CBFA2T2: variants seen among roughly 807,000 people sequenced by gnomAD.
CBFA2T2 encodes the protein protein CBFA2T2.
In CBFA2T2, 11 loss-of-function variants were observed where a neutral mutation model predicts 62.2. The ratio of observed to expected loss-of-function variants is 0.18; its 90% confidence interval spans 0.11 to 0.29. The LOEUF is 0.29. Ranked by LOEUF, CBFA2T2 falls within the 10% of genes least tolerant of loss-of-function variation. The pLI is 1.00. For synonymous variants in CBFA2T2, 295 were observed against 287.5 expected (o/e 1.03, Z -0.27); for missense variants, 592 against 774.1 (o/e 0.76, Z 2.79).
At chr20:33,559,095 T>A (rs151295122) in intron 1 of CBFA2T2, among the ~76,000 whole-genome samples, 207 of 152,212 alleles carry the variant, frequency 1.4e-3, no homozygotes, top group African/African-American at 4.7e-3. Context: ...TTAGTTTTTT[T>A]AAATAGGTAT....
In CBFA2T2 at chr20:33,544,985, T is replaced by TAGAACAGAAC. The variant is rs1465934143; in HGVS notation, c.34+54688_34+54689insCAGAACAGAA. Among the ~76,000 whole-genome samples the TAGAACAGAAC allele has an allele frequency of 4.8e-4, 64 of 134,636 alleles. 2 individuals carry two copies. The highest frequency in any genetic ancestry group is 1.9e-3 in the African/African-American group (56 of 30,206). 88.3% of individuals were successfully genotyped at this position (134,636 alleles called of 152,430 possible). On this transcript the variant is annotated intron_variant, in intron 1 of 10. Coordinates refer to ENST00000342704, the MANE Select transcript of CBFA2T2 (RefSeq NM_001032999.3). Reference sequence around the variant, plus strand: ...TAGAATAGAATAGAATAGAATAGAATAGAATAGAATAGAATAGAATAGAAT... The same window carrying TAGAACAGAAC: ...TAGAATAGAATAGAATAGAATAGAATAGAACAGAACAGAATAGAATAGAATAGAATAGAAT...
chr20:33,529,771 ATATATATATATT>A (rs1277050106), intron 1 of CBFA2T2, among the ~76,000 whole-genome samples: 3 of 28,548 alleles, frequency 1.1e-4, no homozygotes, highest in Non-Finnish European at 2.4e-4. Flanking sequence ...ATATATATAT[ATATATATATATT>A]TCTTTTTTTT....
rs1380997161 is a variant in CBFA2T2 at position 33,490,103 on chromosome 20, G to A, written c.-165G>A. On this transcript the variant is annotated 5_prime_UTR_variant, in exon 1 of 11. Transcript: ENST00000342704. ...GCGCGGCCTAACGGCGGCGGCGGCG[G>A]CGGCGACGGCGACAGCAGCGGTGGT... 3 of 667,216 alleles carry A rather than the reference G, an allele frequency of 4.5e-6. No homozygotes were observed. Among genetic ancestry groups the A allele is most frequent in the Admixed American group, 5.4e-5 (1 of 18,404 alleles). The allele number at this position is 667,216 out of a possible 1,614,324, so 41.3% of individuals were successfully genotyped here.
At chr20:33,626,059 G>A (rs1179497428) in intron 6 of CBFA2T2, among the ~76,000 whole-genome samples, 5 of 151,990 alleles carry the variant, frequency 3.3e-5, no homozygotes, top group Admixed American at 6.6e-5. Flanking sequence ...CCGAGATCAC[G>A]CCCCAGCACT....
intron 1 of CBFA2T2, among the ~76,000 whole-genome samples, chr20:33,580,891 T>G (rs1601002994): frequency 6.6e-6 from 1 of 152,182 alleles, no homozygotes; most frequent in South Asian, 2.1e-4. Flanking sequence ...CAGACTCCAT[T>G]TGGGTAGGAT....
intron 1 of CBFA2T2, among the ~76,000 whole-genome samples, chr20:33,491,526 C>G (rs927894611): frequency 6.6e-6 from 1 of 151,966 alleles, no homozygotes; most frequent in Non-Finnish European, 1.5e-5. Flanking sequence ...GGAGGCTTTA[C>G]GCTTCTTTTT....
At chr20:33,638,449 C>T (rs1027954725) in intron 9 of CBFA2T2, among the ~76,000 whole-genome samples, 7 of 152,054 alleles carry the variant, frequency 4.6e-5, no homozygotes, top group East Asian at 1.9e-4. Context: ...CTAGCCAAAC[C>T]GAGATGATTA....
chr20:33,636,681 G>A lies in CBFA2T2; in HGVS notation c.1270G>A (p.Val424Ile), dbSNP rs1425278332. The A allele has an allele frequency of 2.5e-6, 4 of 1,613,550 alleles. No individual in the cohort carries two copies. Among genetic ancestry groups the A allele is most frequent in the South Asian group, 2.2e-5 (2 of 91,046 alleles). Residue 424 changes from valine to isoleucine, a missense_variant, in exon 9 of 11, where the codon GTA becomes ATA. By Grantham distance (29) the Val-to-Ile change is conservative (BLOSUM62 3). Transcript: ENST00000342704. Reference protein sequence around the residue: ...EFNSRPGTGYVPVEFWKKTEE... With the variant: ...EFNSRPGTGYIPVEFWKKTEE... ...CAACAGCAGGCCAGGTACAGGATAC[G>A]TACCTGTGGAGTTTTGGAAAAAAAC...
At chr20:33,557,248 T>C (rs1453823162) in intron 1 of CBFA2T2, among the ~76,000 whole-genome samples, 1 of 151,840 alleles carries the variant, frequency 6.6e-6, no homozygotes, top group African/African-American at 2.4e-5. Flanking sequence ...CTGCTGACCT[T>C]GTGATCCGCC....
chr20:33,570,621 G>A (rs959455388), intron 1 of CBFA2T2, among the ~76,000 whole-genome samples: 4 of 152,244 alleles, frequency 2.6e-5, no homozygotes, highest in Admixed American at 1.3e-4. Context: ...AGATATTGTC[G>A]TCTTGAGGTG....
chr20:33,542,396 T>A (rs948698788), intron 1 of CBFA2T2, among the ~76,000 whole-genome samples: 5 of 152,200 alleles, frequency 3.3e-5, no homozygotes, highest in Non-Finnish European at 7.3e-5. Context: ...TACATGAACT[T>A]TTTGTACCCT....
At chr20:33,630,778 G>A (rs1257953194) in intron 8 of CBFA2T2, among the ~76,000 whole-genome samples, 1 of 152,206 alleles carries the variant, frequency 6.6e-6, no homozygotes, top group Admixed American at 6.5e-5. Context: ...TCTTACGACA[G>A]ACCTAGTATG....
In CBFA2T2 at chr20:33,623,153, C is replaced by T. The variant is rs141166075; in HGVS notation, c.549C>T (p.Cys183=). 149 of 1,614,142 alleles carry T rather than the reference C, an allele frequency of 9.2e-5. No homozygotes were observed. Among genetic ancestry groups the T allele is most frequent in the African/African-American group, 5.2e-4 (39 of 74,946 alleles). ...TGCTGCAGCGGGAACTGCTGCACTG[C>T]GCTCGGGCGGCCAAGCAGACCCCAT... The part of the protein sequence containing the change: ...LPLLQRELLH[C]ARAAKQTPSQ... The change falls in exon 5 of 11, where the codon TGC becomes TGT. Residue 183 remains cysteine, a synonymous_variant. Transcript: ENST00000342704.
At chr20:33,580,605 C>T (rs766672401) in intron 1 of CBFA2T2, among the ~76,000 whole-genome samples, 4 of 152,190 alleles carry the variant, frequency 2.6e-5, no homozygotes, top group Non-Finnish European at 5.9e-5. Context: ...TAATTCAGCA[C>T]TTTGGGAGGC....
At chr20:33,570,452 C>T (rs1203401700) in intron 1 of CBFA2T2, among the ~76,000 whole-genome samples, 7 of 152,120 alleles carry the variant, frequency 4.6e-5, no homozygotes, top group African/African-American at 1.7e-4. Flanking sequence ...TTTTAATCTG[C>T]TCCTTCGTTT....
intron 1 of CBFA2T2, among the ~76,000 whole-genome samples, chr20:33,544,871 T>G (rs1184121945): frequency 6.6e-6 from 1 of 152,090 alleles, no homozygotes; most frequent in Admixed American, 6.6e-5. Context: ...GTATCTCCAT[T>G]GCCTCAAACA....
rs1045580678 is a variant in CBFA2T2 at position 33,571,292 on chromosome 20, G to A, written c.35-35664G>A. Among the ~76,000 whole-genome samples the A allele has an allele frequency of 9.2e-5, 14 of 152,282 alleles. No individual in the cohort carries two copies. In the South Asian group the frequency reaches 2.7e-3, roughly 29 times the overall value. On this transcript the variant is annotated intron_variant, in intron 1 of 10. Coordinates refer to ENST00000342704, the MANE Select transcript of CBFA2T2 (RefSeq NM_001032999.3). ...CTTTTTTGGTTTGTTTCATTTTAAT[G>A]TACTACTTTATTCTATTTTCTCACA... is the stretch of plus-strand genomic sequence containing the variant.
At chr20:33,515,782 C>G (rs1310991308) in intron 1 of CBFA2T2, among the ~76,000 whole-genome samples, 1 of 90,994 alleles carries the variant, frequency 1.1e-5, no homozygotes, top group Non-Finnish European at 1.9e-5. Flanking sequence ...TCCTGGGCCA[C>G]AAGAGGGAGA....
At chr20:33,638,086 T>C (rs2016694421) in intron 9 of CBFA2T2, among the ~76,000 whole-genome samples, 1 of 150,030 alleles carries the variant, frequency 6.7e-6, no homozygotes, top group African/African-American at 2.5e-5. Flanking sequence ...GCAACTCTTC[T>C]GCCTTAGCCT....
Sources: gnomAD v4.1 joint callset for allele counts (sites outside exome capture counted in the v4.1 genomes callset) on GRCh38, gnomAD v4.1.1 for gene constraint, MANE v1.5 for transcripts, NCBI Gene and HGNC (gene_info 2026-07-23, HGNC 2026-07-21) for gene names.